KAZN: variants seen among roughly 807,000 people sequenced by gnomAD.
KAZN encodes kazrin, periplakin interacting protein.
KAZN carries 40 observed loss-of-function variants against 87.4 expected under a neutral mutation model. The ratio of observed to expected loss-of-function variants is 0.46; its 90% confidence interval spans 0.36 to 0.60. The LOEUF (loss-of-function observed/expected upper bound fraction) is 0.60. Among genes scored for constraint, KAZN ranks in the 20% least tolerant of loss-of-function variants. The pLI is 0.00. For synonymous variants in KAZN, 466 were observed against 458.3 expected, an observed-to-expected ratio of 1.02 and a Z score of -0.22; for missense variants, 898 against 1,073.9, an observed-to-expected ratio of 0.84 and a Z score of 2.29.
intron 2 of KAZN, among the ~76,000 whole-genome samples, chr1:14,401,343 G>A (rs549288233): frequency 2.7e-5 from 4 of 150,624 alleles, no homozygotes; most frequent in Non-Finnish European, 4.4e-5. Context: ...GAGAGAAGAC[G>A]ACTAGTTTTA....
intron 2 of KAZN, among the ~76,000 whole-genome samples, chr1:14,538,799 T>G (rs1317909035): frequency 6.6e-6 from 1 of 152,208 alleles, no homozygotes; most frequent in East Asian, 1.9e-4. Flanking sequence ...TTGAAATTAG[T>G]CCTCCTTCTT....
intron 2 of KAZN, among the ~76,000 whole-genome samples, chr1:14,480,227 G>T (rs960646108): frequency 6.6e-6 from 1 of 152,264 alleles, no homozygotes; most frequent in South Asian, 2.1e-4. Context: ...ACGTTCACCT[G>T]TACTCTTGTA....
At chr1:14,699,087 A>G (rs12068520) in intron 1 of KAZN, among the ~76,000 whole-genome samples, 3,385 of 152,294 alleles carry the variant, frequency 0.022, 140 homozygotes, top group African/African-American at 0.078. Flanking sequence ...ACTCCTGGAT[A>G]CCTTCAACCA....
At chr1:14,354,721 ACC>A (rs1392697629) in intron 2 of KAZN, among the ~76,000 whole-genome samples, 16 of 151,730 alleles carry the variant, frequency 1.1e-4, no homozygotes, top group African/African-American at 3.9e-4. Context: ...GTTGGCAAGG[ACC>A]TGGATCAACT....
chr1:14,782,503 G>A (rs528848482), intron 1 of KAZN, among the ~76,000 whole-genome samples: 16 of 138,152 alleles, frequency 1.2e-4, no homozygotes, highest in Admixed American at 6.5e-4. Flanking sequence ...AGCCAAGGCC[G>A]CGTCATTACA....
rs963765351 is a variant in KAZN at position 14,184,849 on chromosome 1, G to A, written c.249+4257G>A. On this transcript the variant is annotated intron_variant, in intron 2 of 16. Transcript: ENST00000636203. This position sits in a 1 kb window ranked among gnomAD's most constrained non-coding sequence, Gnocchi z 4.2. ...ATCTTGCATTGGGAAGGATGCCTTGGGAACCGAGCAGTTCACACCTATTAT... is the reference window on the plus strand; with the variant it reads ...ATCTTGCATTGGGAAGGATGCCTTGAGAACCGAGCAGTTCACACCTATTAT... Among the ~76,000 whole-genome samples, 4 of 152,198 alleles carry A rather than the reference G, an allele frequency of 2.6e-5. No individual in the cohort carries two copies. Among genetic ancestry groups the A allele is most frequent in the African/African-American group, 9.6e-5 (4 of 41,518 alleles).
chr1:15,001,547 C>T (rs1393705268), intron 2 of KAZN, among the ~76,000 whole-genome samples: 1 of 152,120 alleles, frequency 6.6e-6, no homozygotes, highest in South Asian at 2.1e-4. Context: ...AGAGCAGCAG[C>T]CCCTACTCCC....
In KAZN at chr1:14,735,363, G is replaced by T. The variant is rs1350449354; in HGVS notation, c.226+136140G>T. 1.3e-5 allele frequency among the ~76,000 whole-genome samples: 2 copies of T among 152,146 alleles called. No homozygotes were observed. The highest frequency in any genetic ancestry group is 2.4e-5 in the African/African-American group (1 of 41,452). ...GCGTGAGCCACCGCGCCCGGCCCGTGCTGTTGTTTTCAAAGACACGTTTAT... is the reference window on the plus strand; with the variant it reads ...GCGTGAGCCACCGCGCCCGGCCCGTTCTGTTGTTTTCAAAGACACGTTTAT... On this transcript the variant is annotated intron_variant, in intron 1 of 14. Transcript: ENST00000376030. The surrounding 1 kb of genome is among the most constrained non-coding windows in gnomAD (Gnocchi z 4.3).
chr1:14,265,084 CA>C (rs540805547), intron 2 of KAZN, among the ~76,000 whole-genome samples: 155 of 152,274 alleles, frequency 1.0e-3, no homozygotes, highest in Non-Finnish European at 1.7e-3. Flanking sequence ...TTTAGTTTAA[CA>C]AGTGTTTTAT....
At chr1:14,840,445 G>T (rs977652295) in intron 1 of KAZN, among the ~76,000 whole-genome samples, 3 of 152,174 alleles carry the variant, frequency 2.0e-5, no homozygotes, top group Admixed American at 1.3e-4. Context: ...GAGACATTTC[G>T]CAAGCACATT....
chr1:14,261,702 A>G (rs1651030011), intron 2 of KAZN, among the ~76,000 whole-genome samples: 1 of 152,104 alleles, frequency 6.6e-6, no homozygotes, highest in Non-Finnish European at 1.5e-5. Flanking sequence ...TCCCAGTCCG[A>G]TTGGTATTCA....
At chr1:14,360,785 A>G (rs1659437582) in intron 2 of KAZN, among the ~76,000 whole-genome samples, 1 of 152,152 alleles carries the variant, frequency 6.6e-6, no homozygotes, top group Non-Finnish European at 1.5e-5. Context: ...AACAGCAAAG[A>G]TTGCTGTCTG....
Position 14,436,734 on chromosome 1 carries a change from A to AACAAAAAC in KAZN, c.250-162248_250-162247insCAAAAACA, listed in dbSNP as rs1553172282. 1.6e-3 allele frequency among the ~76,000 whole-genome samples: 223 copies of AACAAAAAC among 137,388 alleles called. 4 individuals are homozygous for AACAAAAAC. The highest frequency in any genetic ancestry group is 2.1e-3 in the Admixed American group (29 of 13,570). 90.1% of individuals were successfully genotyped at this position (137,388 alleles called of 152,430 possible). Reference sequence around the variant, plus strand: ...CTCTGTCTCAAAAAAAAAAAAAAAAAAAAACCTTAAAACAATCCTGAGAGG... The same window carrying AACAAAAAC: ...CTCTGTCTCAAAAAAAAAAAAAAAAAACAAAAACAAAACCTTAAAACAATCCTGAGAGG... On this transcript the variant is annotated intron_variant, in intron 2 of 16. Coordinates refer to the KAZN transcript ENST00000636203.
chr1:14,546,780 G>A (rs1002891858), intron 2 of KAZN, among the ~76,000 whole-genome samples: 1 of 152,170 alleles, frequency 6.6e-6, no homozygotes, highest in African/African-American at 2.4e-5. Context: ...TGTGAAGGAT[G>A]TTTATCAGCT....
intron 1 of KAZN, among the ~76,000 whole-genome samples, chr1:13,900,169 C>G (rs1436892283): frequency 6.6e-6 from 1 of 152,104 alleles, no homozygotes; most frequent in African/African-American, 2.4e-5. Context: ...TTGCCTCGAC[C>G]TGGATTCCAG....
At chr1:14,874,421 T>C (rs1652512831) in intron 1 of KAZN, among the ~76,000 whole-genome samples, 1 of 152,230 alleles carries the variant, frequency 6.6e-6, no homozygotes, top group South Asian at 2.1e-4. Context: ...TTGGTGACCT[T>C]GAGTTGTTTC....
At chr1:14,774,589 G>A (rs1175472443) in intron 1 of KAZN, among the ~76,000 whole-genome samples, 2 of 151,058 alleles carry the variant, frequency 1.3e-5, no homozygotes, top group African/African-American at 4.9e-5. Context: ...TCCCATCTCA[G>A]CCTCCCAAGT....
intron 8 of KAZN, among the ~76,000 whole-genome samples, chr1:15,091,923 T>TGTA (rs1345022495): frequency 1.4e-4 from 22 of 152,164 alleles, no homozygotes; most frequent in African/African-American, 5.1e-4. Context: ...TGAACATTTG[T>TGTA]GTAGACTTAT....
chr1:14,730,732 A>G (rs1433356796), intron 1 of KAZN, among the ~76,000 whole-genome samples: 2 of 152,170 alleles, frequency 1.3e-5, no homozygotes, highest in East Asian at 1.9e-4. Context: ...AAGTGCCCCA[A>G]TCTGTCCCTG....
Sources: gnomAD v4.1 joint callset for allele counts (sites outside exome capture counted in the v4.1 genomes callset) on GRCh38, gnomAD v4.1.1 for gene constraint, Gnocchi (gnomAD v3.1) non-coding constraint, MANE v1.5 for transcripts, NCBI Gene and HGNC (gene_info 2026-07-23, HGNC 2026-07-21) for gene names.